Variants in DST observed in about 807,000 individuals in gnomAD.
The protein encoded by DST is bullous pemphigoid antigen.
In DST, 253 loss-of-function variants were observed where a neutral mutation model predicts 875.2. The ratio of observed to expected loss-of-function variants is 0.29; its 90% CI spans 0.26 to 0.32. The LOEUF is 0.32. Among genes scored for constraint, DST ranks in the 10% least tolerant of loss-of-function variants. The pLI, the probability that DST is intolerant of heterozygous loss-of-function variation, is 1.00. For missense variants in DST, 8,287 were observed against 9,111.6 expected, an observed-to-expected ratio of 0.91 and a Z score of 3.68; for synonymous variants, 3,124 against 3,197.1, an observed-to-expected ratio of 0.98 and a Z score of 0.77.
intron 10 of DST, among the ~76,000 whole-genome samples, chr6:56,662,622 G>A (rs543220487): frequency 6.6e-6 from 1 of 152,224 alleles, no homozygotes; most frequent in East Asian, 1.9e-4. Context: ...GAGAATGTGG[G>A]CTATACCTTA....
intron 9 of DST, among the ~76,000 whole-genome samples, chr6:56,685,240 G>A (rs963466169): frequency 4.3e-4 from 65 of 152,216 alleles, no homozygotes; most frequent in Middle Eastern, 3.4e-3. Context: ...TGCAGACTAT[G>A]CATCTGAAAA....
At chr6:56,868,197 A>G (rs1198054720) in intron 3 of DST, among the ~76,000 whole-genome samples, 2 of 152,230 alleles carry the variant, frequency 1.3e-5, no homozygotes, top group African/African-American at 4.8e-5. Flanking sequence ...TAAACATGGC[A>G]TATAAACAGG....
intron 57 of DST, 83 bp from the exon 58 acceptor site, chr6:56,560,506 A>G (rs913185579): frequency 1.9e-5 from 27 of 1,400,244 alleles, no homozygotes; most frequent in Non-Finnish European, 2.5e-5. Context: ...TTTTCTCTAG[A>G]ATAATGAAAA....
rs2098177802 is a variant in DST at position 56,587,446 on chromosome 6, G to A, written c.12903+4736C>T. 2.0e-5 allele frequency among the ~76,000 whole-genome samples: 3 copies of A among 152,244 alleles called. No individual in the cohort carries two copies. In the South Asian group the frequency reaches 6.2e-4, roughly 32 times the overall value. On this transcript the variant is annotated intron_variant, in intron 49 of 103. Transcript: ENST00000680361. The stretch of plus-strand genomic sequence containing the variant: ...AAATCTGCATCTGATCAGTGTACCT[G>A]AAAGTGATGGGGAGAATGGAACCAA...
At chr6:56,562,287 A>G in intron 55 of DST, 87 bp from the exon 56 acceptor site, 1 of 605,608 alleles carries the variant, frequency 1.7e-6, no homozygotes, top group Non-Finnish European at 2.6e-6. Context: ...AACCCCATCA[A>G]CAGTAATCAC....
Position 56,597,931 on chromosome 6 carries a change from T to C in DST, c.12004A>G (p.Lys4002Glu). The C allele has an allele frequency of 1.9e-6, 3 of 1,613,698 alleles. No homozygotes were observed. The highest frequency in any genetic ancestry group is 2.5e-6 in the Non-Finnish European group (3 of 1,179,714). ...NLLDWLSNVD[K>E]DSERAGTKHK... ...TTTGTCCCTGCCCTTTCTGAGTCTT[T>C]GTCAACATTTGACAACCAGTCCAAA... Residue 4002 changes from lysine to glutamate, a missense_variant, in exon 47 of 104, where the codon AAA becomes GAA. By Grantham distance (56) the Lys-to-Glu change is moderately conservative. Coordinates refer to ENST00000680361, the MANE Select transcript of DST (RefSeq NM_001374736.1).
chr6:56,497,550 C>G (rs199850018), intron 81 of DST, 43 bp from the exon 82 acceptor site: 185 of 1,596,606 alleles, frequency 1.2e-4, no homozygotes, highest in Admixed American at 8.5e-5. Context: ...TAAACACTGT[C>G]AGTTTCAAGC....
At chr6:56,783,253 A>G (rs1388425648) in intron 4 of DST, among the ~76,000 whole-genome samples, 1 of 152,116 alleles carries the variant, frequency 6.6e-6, no homozygotes, top group Non-Finnish European at 1.5e-5. Context: ...CTTGGTGCAG[A>G]GCTGAGTCCA....
chr6:56,516,826 A>T (rs1282645917), intron 71 of DST, among the ~76,000 whole-genome samples: 3 of 152,162 alleles, frequency 2.0e-5, no homozygotes, highest in African/African-American at 7.2e-5. Flanking sequence ...TTTGGTTTTT[A>T]TTAAGAGGCC....
chr6:56,494,735 A>G (rs2095854796), intron 82 of DST, among the ~76,000 whole-genome samples: 1 of 152,164 alleles, frequency 6.6e-6, no homozygotes, highest in Non-Finnish European at 1.5e-5. Context: ...ATTCTCATTT[A>G]GAACATTTCT....
intron 13 of DST, among the ~76,000 whole-genome samples, chr6:56,648,097 A>G (rs1342021038): frequency 6.6e-6 from 1 of 152,230 alleles, no homozygotes; most frequent in East Asian, 1.9e-4. Flanking sequence ...GAAGTCAGAC[A>G]TGTATTTTCA....
In DST at chr6:56,611,960, T is replaced by C. The variant is rs550581092; in HGVS notation, c.5059-364A>G. On this transcript the variant is annotated intron_variant, in intron 37 of 103. Coordinates refer to ENST00000680361, the MANE Select transcript of DST (RefSeq NM_001374736.1). ...GCACTGCAGTCCTCAAAAAGACACA[T>C]GACTGTGGGACACTACTTCCAAAGG... 3.9e-5 allele frequency among the ~76,000 whole-genome samples: 6 copies of C among 152,294 alleles called. No homozygotes were observed. The South Asian group carries it at 1.0e-3, about 26-fold the overall frequency.
intron 74 of DST, among the ~76,000 whole-genome samples, chr6:56,509,262 A>G (rs2096413064): frequency 6.6e-6 from 1 of 152,200 alleles, no homozygotes; most frequent in African/African-American, 2.4e-5. Flanking sequence ...AGTGGTTCCC[A>G]TTTTTGTGGC....
intron 2 of DST, among the ~76,000 whole-genome samples, chr6:56,921,360 T>C (rs970614894): frequency 6.6e-6 from 1 of 152,212 alleles, no homozygotes; most frequent in African/African-American, 2.4e-5. Context: ...ACCTTCAGAT[T>C]ATAAGAAAAT....
chr6:56,558,216 T>C (rs2097460981), intron 58 of DST, among the ~76,000 whole-genome samples: 1 of 152,158 alleles, frequency 6.6e-6, no homozygotes, highest in Non-Finnish European at 1.5e-5. Flanking sequence ...ATAACTCCAT[T>C]TTGGCCTTCA....
chr6:56,843,279 G>T, intron 4 of DST: 1 of 1,251,150 alleles, frequency 8.0e-7, no homozygotes, highest in Non-Finnish European at 1.0e-6. Context: ...GAGAAGCACG[G>T]AAGCCGAAGA....
At chr6:56,460,943 A>C (rs1221889544) in intron 102 of DST, 1 of 152,190 alleles carries the variant, frequency 6.6e-6, no homozygotes, top group Admixed American at 6.5e-5. Flanking sequence ...AACAATCATA[A>C]GTATGAGATT....
chr6:56,910,508 G>A (rs566507294), intron 2 of DST, among the ~76,000 whole-genome samples: 3 of 149,030 alleles, frequency 2.0e-5, no homozygotes, highest in Admixed American at 6.7e-5. Flanking sequence ...ATTTTGAGAT[G>A]GAGTCTCACT....
chr6:56,617,916 G>T, intron 36 of DST: 2 of 1,364,618 alleles, frequency 1.5e-6, no homozygotes, highest in Non-Finnish European at 2.1e-6. Flanking sequence ...ATTTAGTCTA[G>T]GAGAGAAAGG....
Sources: allele counts gnomAD v4.1 joint callset (sites outside exome capture counted in the v4.1 genomes callset), GRCh38; gene constraint gnomAD v4.1.1; transcripts MANE v1.5; gene names NCBI Gene and HGNC (gene_info 2026-07-23, HGNC 2026-07-21).